Variants in ATP12A observed in about 807,000 individuals in gnomAD.
ATP12A encodes ATPase H+/K+ transporting non-gastric alpha2 subunit, also known as potassium-transporting ATPase alpha chain 2.
Under a neutral mutation model 111.2 loss-of-function variants are expected in ATP12A, and 81 were observed. That is an observed-to-expected ratio of 0.73 (90% CI 0.61 to 0.88). ATP12A has a LOEUF of 0.88. ATP12A is among the 40% of genes least tolerant of loss of function. The pLI is 0.00. For synonymous variants in ATP12A, 498 were observed against 499.8 expected, an observed-to-expected ratio of 1.00 and a Z score of 0.05; for missense variants, 1,196 against 1,313.1, an observed-to-expected ratio of 0.91 and a Z score of 1.38.
chr13:24,707,334 C>A lies in ATP12A; in HGVS notation c.2394C>A (p.Asn798Lys), dbSNP rs913105662. 2 of 1,614,232 alleles carry A rather than the reference C, an allele frequency of 1.2e-6. No homozygotes were observed. The highest frequency in any genetic ancestry group is 8.5e-7 in the Non-Finnish European group (1 of 1,180,042). The change falls in exon 17 of 23, where the codon AAC becomes AAA. Residue 798 changes from asparagine to lysine, a missense_variant. Asn to Lys is a moderately conservative substitution (Grantham distance 94, BLOSUM62 0). Coordinates refer to ENST00000381946, the MANE Select transcript of ATP12A (RefSeq NM_001676.7). ...CTATTGCTTATTCCCTGACCAAGAA[C>A]ATTGCCGAGCTGTGCCCCTTTCTGA... ...KKTIAYSLTKNIAELCPFLIY... is the reference protein window; with the variant it reads ...KKTIAYSLTKKIAELCPFLIY...
chr13:24,694,109 C>G (rs1264108330), intron 10 of ATP12A, among the ~76,000 whole-genome samples: 2 of 152,192 alleles, frequency 1.3e-5, no homozygotes, highest in African/African-American at 4.8e-5. Context: ...ACGAGCCTGC[C>G]CCTCATGCCC....
chr13:24,703,920 A>C (rs1303229087), intron 14 of ATP12A, among the ~76,000 whole-genome samples: 1 of 149,220 alleles, frequency 6.7e-6, no homozygotes, highest in Non-Finnish European at 1.5e-5. Context: ...ATCTCATTGC[A>C]GCCTCCACCT....
In ATP12A at chr13:24,683,506, A is replaced by G. The variant is rs1192336842; in HGVS notation, c.168+1786A>G. Among the ~76,000 whole-genome samples, 4 of 152,210 alleles carry G rather than the reference A, an allele frequency of 2.6e-5. 1 individual carries two copies. Among genetic ancestry groups the G allele is most frequent in the Admixed American group, 2.0e-4 (3 of 15,286 alleles). On this transcript the variant is annotated intron_variant, in intron 2 of 22. Coordinates refer to ENST00000381946, the MANE Select transcript of ATP12A (RefSeq NM_001676.7). ...TGTTAGCAGCTTCAAACTTGGTTCT[A>G]GTGAGAAATCAGCAAACTCTACAAA...
At position 24,708,942 on chromosome 13, in the gene ATP12A, A is replaced by AAAGAAAGG. The variant is rs1566078294; in HGVS notation, c.2494-415_2494-414insGAAGAAAG. Among the ~76,000 whole-genome samples, 48 of 107,854 alleles carry AAAGAAAGG rather than the reference A, an allele frequency of 4.5e-4. 1 individual carries two copies. The highest frequency in any genetic ancestry group is 1.5e-3 in the African/African-American group (38 of 24,866). 70.8% of individuals were successfully genotyped at this position (107,854 alleles called of 152,430 possible). ...GAAAGAAAGAAAGAAAGAAAGAAAG[A>AAAGAAAGG]AAGAAAGAAAGAAAGAAAGAAGGAA... On this transcript the variant is annotated intron_variant, in intron 17 of 22. Coordinates refer to ENST00000381946, the MANE Select transcript of ATP12A (RefSeq NM_001676.7).
intron 2 of ATP12A, among the ~76,000 whole-genome samples, chr13:24,683,221 G>A (rs1021560665): frequency 6.6e-6 from 1 of 152,152 alleles, no homozygotes; most frequent in Non-Finnish European, 1.5e-5. Context: ...GCTTCCCAAA[G>A]TGCTGGGATT....
Position 24,690,478 on chromosome 13 carries a change from C to A in ATP12A, c.681+6C>A, listed in dbSNP as rs780602684. 6.2e-7 allele frequency: 1 copy of A among 1,613,416 alleles called. No homozygotes were observed. The highest frequency in any genetic ancestry group is 2.2e-5 in the East Asian group (1 of 44,862). On this transcript the variant is annotated splice_donor_region_variant and intron_variant, in intron 6 of 22. Coordinates refer to ENST00000381946, the MANE Select transcript of ATP12A (RefSeq NM_001676.7). ...TGTCTTCTCAGGGGTGTCGGGTAAGCGGCAAGGGGTATCCACCCCAAGGAC... is the reference window on the plus strand; with the variant it reads ...TGTCTTCTCAGGGGTGTCGGGTAAGAGGCAAGGGGTATCCACCCCAAGGAC...
At chr13:24,701,827 C>A in intron 13 of ATP12A, 108 bp from the exon 14 acceptor site, 3 of 1,439,788 alleles carry the variant, frequency 2.1e-6, no homozygotes, top group Non-Finnish European at 2.9e-6. Flanking sequence ...CTGTAATCAC[C>A]AACCACGTTC....
intron 12 of ATP12A, among the ~76,000 whole-genome samples, chr13:24,699,769 A>G (rs1049288568): frequency 9.2e-5 from 14 of 152,182 alleles, no homozygotes; most frequent in Admixed American, 8.5e-4. Context: ...GGCTGGCGGA[A>G]TGGTGCCCCA....
In ATP12A at chr13:24,690,347, G is replaced by A. The variant is rs114057646; in HGVS notation, c.556G>A (p.Val186Ile). 582 of 1,613,212 alleles carry A rather than the reference G, an allele frequency of 3.6e-4. 1 individual carries two copies. In the African/African-American group the frequency reaches 4.2e-3, roughly 12 times the overall value. Residue 186 changes from valine to isoleucine, a missense_variant, in exon 6 of 23, where the codon GTC becomes ATC. Physicochemically the swap from Val to Ile is conservative, Grantham distance 29. This residue lies in a region of ATP12A where 1,126 missense variants were observed against 1,228.5 expected (regional missense o/e 0.92). Transcript: ENST00000381946. ...FNKMIPQQAL[V>I]IRDSEKKTIP... is the part of the protein sequence containing the mutation. Reference sequence around the variant, plus strand: ...TGGTTTTTTTCTGCAGCAAGCTCTCGTCATCCGAGATTCCGAGAAGAAGAC... The same window carrying A: ...TGGTTTTTTTCTGCAGCAAGCTCTCATCATCCGAGATTCCGAGAAGAAGAC...
At chr13:24,683,226 G>C (rs1162214260) in intron 2 of ATP12A, among the ~76,000 whole-genome samples, 1 of 152,184 alleles carries the variant, frequency 6.6e-6, no homozygotes, top group Non-Finnish European at 1.5e-5. Flanking sequence ...CCAAAGTGCT[G>C]GGATTACAGG....
intron 11 of ATP12A, among the ~76,000 whole-genome samples, chr13:24,695,798 A>G (rs920611110): frequency 4.6e-5 from 7 of 151,932 alleles, no homozygotes; most frequent in African/African-American, 1.7e-4. Context: ...TAGTAGAGAC[A>G]GGGTTTCACC....
In ATP12A at chr13:24,709,372, C is replaced by T. The variant is rs760746767; in HGVS notation, c.2502C>T (p.Ser834=). The change falls in exon 18 of 23, where the codon TCC becomes TCT. Residue 834 remains serine (S), a synonymous_variant. Transcript: ENST00000381946. The stretch of plus-strand genomic sequence containing the variant: ...AGCCTCTTCCCCTCTAGATCCCCTC[C>T]ATTGCCTTGGCGTACGAGAAAGCTG... The part of the protein sequence containing the change: ...FIDLGTDIIP[S]IALAYEKAES... 158 of 1,613,134 alleles carry T rather than the reference C, an allele frequency of 9.8e-5. No individual in the cohort carries two copies. The highest frequency in any genetic ancestry group is 1.3e-4 in the Non-Finnish European group (154 of 1,179,920).
rs143019654 is a variant in ATP12A, at chr13:24,703,819, C to T, written c.2018+1748C>T. Among the ~76,000 whole-genome samples the T allele has an allele frequency of 2.6e-4, 39 of 147,342 alleles. 1 individual carries two copies. Among genetic ancestry groups the T allele is most frequent in the African/African-American group, 9.3e-4 (37 of 39,650 alleles). On this transcript the variant is annotated intron_variant, in intron 14 of 22. Transcript: ENST00000381946. Reference sequence around the variant, plus strand: ...TAGCTGGGACTACAGGCTTGTGTCACTGCACCCAGCTTCATTTTAGCAGAT... The same window carrying T: ...TAGCTGGGACTACAGGCTTGTGTCATTGCACCCAGCTTCATTTTAGCAGAT...
intron 7 of ATP12A, 58 bp downstream of exon 7, chr13:24,690,779 G>T: frequency 6.5e-7 from 1 of 1,530,622 alleles, no homozygotes; most frequent in South Asian, 1.2e-5. Flanking sequence ...TCCCTCCTGG[G>T]CTCTCAGGTC....
rs534674611 is a variant in ATP12A at position 24,680,427 on chromosome 13, G to C, written c.-317G>C. The C allele has an allele frequency of 2.9e-4, 111 of 383,484 alleles. No homozygotes were observed. The highest frequency in any genetic ancestry group is 2.3e-3 in the African/African-American group (105 of 46,516). 23.8% of individuals were successfully genotyped at this position (383,484 alleles called of 1,614,324 possible). A position where few individuals can be genotyped will look rare whatever the true frequency, so the allele number is the denominator to read the frequency against. The stretch of plus-strand genomic sequence containing the variant: ...GGGGTCCTCAATCCTGGACTCTCCC[G>C]ACCCCTAGCTGTCGGTCCCCCTCCC... On this transcript the variant is annotated 5_prime_UTR_variant, in exon 1 of 23. Coordinates refer to ENST00000381946, the MANE Select transcript of ATP12A (RefSeq NM_001676.7).
At chr13:24,682,978 C>G (rs1240807594) in intron 2 of ATP12A, among the ~76,000 whole-genome samples, 1 of 110,402 alleles carries the variant, frequency 9.1e-6, no homozygotes, top group Non-Finnish European at 1.9e-5. Flanking sequence ...TTTTTTGAGA[C>G]AGAGTTTCGC....
chr13:24,686,670 C>A (rs184342979), intron 3 of ATP12A, among the ~76,000 whole-genome samples: 1 of 151,868 alleles, frequency 6.6e-6, no homozygotes, highest in Non-Finnish European at 1.5e-5. Context: ...ACCTGGGAGG[C>A]GGAGCTTGCA....
intron 12 of ATP12A, among the ~76,000 whole-genome samples, chr13:24,699,179 G>T (rs185497027): frequency 6.6e-6 from 1 of 152,180 alleles, no homozygotes; most frequent in Admixed American, 6.5e-5. Flanking sequence ...GCAGAACGGC[G>T]TGGGGCACAT....
At chr13:24,701,501 C>CAAAAAAAAAAAAAAAAAAAAAAAAA (rs10586421) in intron 13 of ATP12A, among the ~76,000 whole-genome samples, 1 of 101,398 alleles carries the variant, frequency 9.9e-6, no homozygotes, top group African/African-American at 3.7e-5. Flanking sequence ...AACTCTGTCT[C>CAAAAAAAAAAAAAAAAAAAAAAAAA]AAAAAAAAAA....
Sources: gnomAD v4.1 joint callset for allele counts (sites outside exome capture counted in the v4.1 genomes callset) on GRCh38, gnomAD v4.1.1 for gene constraint, gnomAD v4.1.1 regional missense constraint, MANE v1.5 for transcripts, NCBI Gene and HGNC (gene_info 2026-07-23, HGNC 2026-07-21) for gene names.